Variants in EFNB1 observed in about 807,000 individuals in gnomAD.
EFNB1 encodes ephrin-B1.
EFNB1 carries 1 observed loss-of-function variant against 18.1 expected under a neutral mutation model. That is an observed-to-expected ratio of 0.06 (90% confidence interval 0.02 to 0.26). The LOEUF (loss-of-function observed/expected upper bound fraction) is 0.26. Among genes scored for constraint, EFNB1 ranks in the 10% least tolerant of loss-of-function variants. The pLI, the probability that EFNB1 is intolerant of heterozygous loss-of-function variation, is 1.00. For missense variants in EFNB1, 221 were observed against 301.8 expected (o/e 0.73, Z 1.98); for synonymous variants, 131 against 127.5 (o/e 1.03, Z -0.19).
At position 68,841,929 on chromosome X, in the gene EFNB1, C is replaced by CT. The variant is rs1160635540; in HGVS notation, c.*1276dup. The CT allele has an allele frequency of 8.8e-6, 1 of 113,400 alleles. No individual in the cohort carries two copies. Among genetic ancestry groups the CT allele is most frequent in the Non-Finnish European group, 1.9e-5 (1 of 53,368 alleles). The allele number at this position is 113,400 out of a possible 1,213,427, so 9.3% of individuals were successfully genotyped here. A position where few individuals can be genotyped will look rare whatever the true frequency, so the allele number is the denominator to read the frequency against. ...ACACCATCCACCTCCACACTGCCTC[C>CT]TGGCCAGCTGCCCACCCCAGTGCCA... On this transcript the variant is annotated 3_prime_UTR_variant, in exon 5 of 5. Coordinates refer to ENST00000204961, the MANE Select transcript of EFNB1 (RefSeq NM_004429.5).
At chrX:68,831,979 A>G (rs1227196843) in intron 1 of EFNB1, among the ~76,000 whole-genome samples, 1 of 109,638 alleles carries the variant, frequency 9.1e-6, no homozygotes, top group Admixed American at 9.6e-5. Flanking sequence ...ATCCTGGTGC[A>G]CCCTCCTTCC....
At position 68,829,701 on chromosome X, in the gene EFNB1, C is replaced by G; in HGVS notation, c.-76C>G. 8.6e-7 allele frequency: 1 copy of G among 1,158,076 alleles called. No homozygotes were observed. The highest frequency in any genetic ancestry group is 1.8e-5 in the African/African-American group (1 of 56,330). On this transcript the variant is annotated 5_prime_UTR_variant, in exon 1 of 5. Coordinates refer to ENST00000204961, the MANE Select transcript of EFNB1 (RefSeq NM_004429.5). ...GGCGCCTGAGCGGCTCCGAGCGCAG[C>G]GCGGCAGAGGAAGGCGAGGCGAGCT...
chrX:68,833,460 G>T (rs1159940426), intron 1 of EFNB1, among the ~76,000 whole-genome samples: 4 of 112,146 alleles, frequency 3.6e-5, no homozygotes, highest in Non-Finnish European at 7.5e-5. Context: ...GCTCTCTGTT[G>T]TCTCATCCGC....
At position 68,837,493 on chromosome X, in the gene EFNB1, A is replaced by G. The variant is rs369356577; in HGVS notation, c.129-1124A>G. ...AGTAAGGGCCTAGCTTTGGAATCTG[A>G]TTCTAAAGTCTGTGTTCTTTCTCCT... is the stretch of plus-strand genomic sequence containing the variant. On this transcript the variant is annotated intron_variant, in intron 1 of 4. Coordinates refer to ENST00000204961, the MANE Select transcript of EFNB1 (RefSeq NM_004429.5). Among the ~76,000 whole-genome samples, 3 of 112,208 alleles carry G rather than the reference A, an allele frequency of 2.7e-5. No homozygotes were observed. In the Admixed American group the frequency reaches 2.8e-4, roughly 11 times the overall value.
At chrX:68,833,930 G>A (rs1356057195) in intron 1 of EFNB1, among the ~76,000 whole-genome samples, 1 of 112,576 alleles carries the variant, frequency 8.9e-6, no homozygotes, top group African/African-American at 3.2e-5. Flanking sequence ...CCCGGACAAG[G>A]GAAGTGACTT....
At chrX:68,831,779 T>G (rs762303127) in intron 1 of EFNB1, among the ~76,000 whole-genome samples, 26 of 110,681 alleles carry the variant, frequency 2.3e-4, no homozygotes, top group Non-Finnish European at 2.1e-4. Flanking sequence ...CTTTTTGTGC[T>G]CAGAGACTTT....
intron 2 of EFNB1, 149 bp downstream of exon 2, chrX:68,839,043 T>C (rs1251578208): frequency 1.2e-6 from 1 of 826,780 alleles, no homozygotes; most frequent in African/African-American, 2.0e-5. Context: ...TGGCATGTTC[T>C]CCTCTTAGCC....
At chrX:68,830,042 T>C in intron 1 of EFNB1, 138 bp downstream of exon 1, 1 of 706,263 alleles carries the variant, frequency 1.4e-6, no homozygotes, top group East Asian at 5.7e-5. Context: ...TCGAGTGTTT[T>C]CCTGCGGGCG....
intron 1 of EFNB1, among the ~76,000 whole-genome samples, chrX:68,834,164 A>G (rs1022122709): frequency 8.9e-6 from 1 of 111,866 alleles, no homozygotes; most frequent in East Asian, 2.8e-4. Flanking sequence ...CAACTTCCTC[A>G]TTTGACTTTT....
intron 4 of EFNB1, 64 bp from the exon 5 acceptor site, chrX:68,840,178 C>A (rs1208109650): frequency 8.3e-7 from 1 of 1,207,950 alleles, no homozygotes; most frequent in African/African-American, 1.7e-5. Context: ...TGGGCCTGGC[C>A]TGAAATCTGC....
chrX:68,830,889 C>T (rs1397315349), intron 1 of EFNB1, among the ~76,000 whole-genome samples: 4 of 112,286 alleles, frequency 3.6e-5, no homozygotes, highest in African/African-American at 1.3e-4. Context: ...CACACAACCC[C>T]TCCAAACAAC....
Position 68,840,843 on chromosome X carries a change from C to T in EFNB1, c.*189C>T, listed in dbSNP as rs1356238436. 6.0e-6 allele frequency: 3 copies of T among 496,215 alleles called. No individual in the cohort carries two copies. The highest frequency in any genetic ancestry group is 4.8e-5 in the African/African-American group (2 of 41,987). The allele number at this position is 496,215 out of a possible 1,213,427, so 40.9% of individuals were successfully genotyped here. ...GAGGGGGGTGCTTGTGCCCCTAACC[C>T]CCATGCTCTTGTGCCTTCCCCCTCT... On this transcript the variant is annotated 3_prime_UTR_variant, in exon 5 of 5. Coordinates refer to ENST00000204961, the MANE Select transcript of EFNB1 (RefSeq NM_004429.5).
intron 1 of EFNB1, among the ~76,000 whole-genome samples, chrX:68,834,640 C>T (rs1053569367): frequency 8.8e-6 from 1 of 113,159 alleles, no homozygotes; most frequent in Non-Finnish European, 1.9e-5. Flanking sequence ...TGAGAACAGA[C>T]TTGAGCTCTG....
intron 1 of EFNB1, among the ~76,000 whole-genome samples, chrX:68,835,397 G>A (rs917747475): frequency 7.2e-5 from 8 of 111,480 alleles, no homozygotes; most frequent in African/African-American, 2.6e-4. Flanking sequence ...GTTTCACTTC[G>A]GGATATCTCT....
In EFNB1 at chrX:68,838,752, C is replaced by T; in HGVS notation, c.264C>T (p.Ala88=). Residue 88 remains alanine (A), a synonymous_variant, in exon 2 of 5, where the codon GCC becomes GCT. Coordinates refer to ENST00000204961, the MANE Select transcript of EFNB1 (RefSeq NM_004429.5). ...LYLVRPEQAA[A]CSTVLDPNVL... ...TGGTGCGGCCTGAGCAGGCAGCTGC[C>T]TGTAGCACAGTTCTCGACCCCAACG... 1 of 1,211,517 alleles carries T rather than the reference C, an allele frequency of 8.3e-7. No homozygotes were observed. The highest frequency in any genetic ancestry group is 3.0e-5 in the East Asian group (1 of 33,838).
At chrX:68,837,144 C>A (rs892425386) in intron 1 of EFNB1, among the ~76,000 whole-genome samples, 1 of 111,521 alleles carries the variant, frequency 9.0e-6, no homozygotes, top group Non-Finnish European at 1.9e-5. Flanking sequence ...GTCTATCACT[C>A]GAGTATGGGT....
At position 68,840,817 on chromosome X, in the gene EFNB1, G is replaced by A. The variant is rs1437766847; in HGVS notation, c.*163G>A. The A allele has an allele frequency of 6.1e-5, 36 of 590,798 alleles. No homozygotes were observed. The highest frequency in any genetic ancestry group is 7.2e-5 in the East Asian group (2 of 27,668). 48.7% of individuals were successfully genotyped at this position (590,798 alleles called of 1,213,427 possible). On this transcript the variant is annotated 3_prime_UTR_variant, in exon 5 of 5. Coordinates refer to ENST00000204961, the MANE Select transcript of EFNB1 (RefSeq NM_004429.5). ...CCTTTTTCCCTGCCCCCTGGGCTTC[G>A]GAGGGGGGTGCTTGTGCCCCTAACC...
rs778669520 is a variant in EFNB1, at chrX:68,838,768, G to A, written c.280G>A (p.Asp94Asn). Residue 94 changes from aspartate to asparagine, a missense_variant, in exon 2 of 5, where the codon GAC (aspartate) becomes AAC (asparagine). Physicochemically the swap from Asp to Asn is conservative, Grantham distance 23. Coordinates refer to ENST00000204961, the MANE Select transcript of EFNB1 (RefSeq NM_004429.5). Reference sequence around the variant, plus strand: ...GGCAGCTGCCTGTAGCACAGTTCTCGACCCCAACGTGTTGGTCACCTGCAA... The same window carrying A: ...GGCAGCTGCCTGTAGCACAGTTCTCAACCCCAACGTGTTGGTCACCTGCAA... ...EQAAACSTVL[D>N]PNVLVTCNRP... 2 of 1,210,464 alleles carry A rather than the reference G, an allele frequency of 1.7e-6. No individual in the cohort carries two copies. Among genetic ancestry groups the A allele is most frequent in the Non-Finnish European group, 2.2e-6 (2 of 894,855 alleles).
At position 68,829,100 on chromosome X, in the gene EFNB1, G is replaced by A. The variant is rs1178948891; in HGVS notation, c.-677G>A. 1 of 114,802 alleles carries A rather than the reference G, an allele frequency of 8.7e-6. No individual in the cohort carries two copies. The highest frequency in any genetic ancestry group is 1.8e-5 in the Non-Finnish European group (1 of 54,764). The allele number at this position is 114,802 out of a possible 1,213,427, so 9.5% of individuals were successfully genotyped here. ...TCGGGCTCGATCGCCCGGGAGCCAG[G>A]ACTCGGCGACGCGAGGCTGCCGGGC... is the stretch of plus-strand genomic sequence containing the variant. On this transcript the variant is annotated 5_prime_UTR_variant, in exon 1 of 5. Transcript: ENST00000204961.
Sources: allele counts gnomAD v4.1 joint callset (sites outside exome capture counted in the v4.1 genomes callset), GRCh38; gene constraint gnomAD v4.1.1; transcripts MANE v1.5; gene names NCBI Gene and HGNC (gene_info 2026-07-23, HGNC 2026-07-21).